The following PTGR2 variants were observed in gnomAD, a reference collection of about 807,000 sequenced individuals.
The protein encoded by PTGR2 is prostaglandin reductase 2.
A neutral mutation model predicts 43.4 loss-of-function variants in PTGR2; 32 were observed. The observed-to-expected ratio is 0.74, with a 90% CI of 0.56 to 0.99. The LOEUF (loss-of-function observed/expected upper bound fraction) is 0.99. Among genes scored for constraint, PTGR2 ranks in the 50% least tolerant of loss-of-function variants. PTGR2 has a pLI of 0.00. For missense variants in PTGR2, 373 were observed against 420.0 expected (o/e 0.89, Z 0.98); for synonymous variants, 106 against 139.2 (o/e 0.76, Z 1.68).
Position 73,885,401 on chromosome 14 carries a change from AGTTT to A in PTGR2, c.*1229_*1232del, listed in dbSNP as rs943192699. 10 of 152,232 alleles carry A rather than the reference AGTTT, an allele frequency of 6.6e-5. No individual in the cohort carries two copies. The highest frequency in any genetic ancestry group is 1.2e-4 in the African/African-American group (5 of 41,456). The allele number at this position is 152,232 out of a possible 1,614,324, so 9.4% of individuals were successfully genotyped here. ...TCAGGAACTACTGATGTACCTCAAA[AGTTT>A]GTTTTATTAATTGTACTCAACCCTC... On this transcript the variant is annotated 3_prime_UTR_variant, in exon 10 of 10. Coordinates refer to ENST00000555661, the MANE Select transcript of PTGR2 (RefSeq NM_001146154.2).
chr14:73,877,187 A>G lies in PTGR2; in HGVS notation c.519+19A>G. On this transcript the variant is annotated intron_variant, in intron 5 of 9. Transcript: ENST00000555661. ...TGGGCAGGTAAACTTTCTGAGAATT[A>G]TTTGATTTTCTGATTATTTGACGAT... is the stretch of plus-strand genomic sequence containing the variant. 1.3e-6 allele frequency: 2 copies of G among 1,592,802 alleles called. No individual in the cohort carries two copies. Among genetic ancestry groups the G allele is most frequent in the South Asian group, 1.1e-5 (1 of 88,982 alleles).
chr14:73,881,194 C>T lies in PTGR2; in HGVS notation c.852-11C>T, dbSNP rs1467631009. On this transcript the variant is annotated splice_polypyrimidine_tract_variant and intron_variant, in intron 7 of 9. Transcript: ENST00000555661. The stretch of plus-strand genomic sequence containing the variant: ...ATTCTCTGATCATTATCCTTTTCTT[C>T]CTCACTGCAGGGAAAGATTTCTGGT... 2.0e-6 allele frequency: 3 copies of T among 1,529,656 alleles called. No homozygotes were observed. The highest frequency in any genetic ancestry group is 3.4e-5 in the Admixed American group (2 of 59,378). 94.8% of individuals were successfully genotyped at this position (1,529,656 alleles called of 1,614,324 possible).
intron 3 of PTGR2, among the ~76,000 whole-genome samples, chr14:73,869,813 G>T (rs1042050537): frequency 1.6e-4 from 24 of 152,044 alleles, no homozygotes; most frequent in African/African-American, 5.8e-4. Flanking sequence ...ATCACTTGAG[G>T]TCAGGAGTTT....
At chr14:73,856,055 CA>C (rs1212245680) in intron 1 of PTGR2, among the ~76,000 whole-genome samples, 22 of 142,570 alleles carry the variant, frequency 1.5e-4, no homozygotes, top group Admixed American at 2.1e-4. Context: ...GACTCTGTTT[CA>C]AAAAAAAAAG....
Position 73,880,097 on chromosome 14 carries a change from C to T in PTGR2, c.772C>T (p.Gln258Ter). 2 of 1,613,786 alleles carry T rather than the reference C, an allele frequency of 1.2e-6. No homozygotes were observed. The highest frequency in any genetic ancestry group is 1.1e-5 in the South Asian group (1 of 91,070). ...CATCATCCTGTGTGGTCAAATTTCT[C>T]AGTACAACAAAGATGTGCCTTATCC... The part of the protein sequence containing the change: ...SHIILCGQIS[Q>*]YNKDVPYPPP... The change falls in exon 7 of 10, where the codon CAG becomes TAG. Residue 258 changes from glutamine to a stop codon, truncating the protein, a stop_gained. Transcript: ENST00000555661. LOFTEE classifies it high-confidence loss of function.
Position 73,885,327 on chromosome 14 carries a change from G to C in PTGR2, c.*1150G>C, listed in dbSNP as rs2055104321. ...CAGATTGACAACAAAGACAGTTTCA[G>C]AAAATGACAGGACTGGGCAAATTAA... On this transcript the variant is annotated 3_prime_UTR_variant, in exon 10 of 10. Coordinates refer to ENST00000555661, the MANE Select transcript of PTGR2 (RefSeq NM_001146154.2). 6.6e-6 allele frequency: 1 copy of C among 152,170 alleles called. No homozygotes were observed. Among genetic ancestry groups the C allele is most frequent in the Non-Finnish European group, 1.5e-5 (1 of 68,046 alleles). The allele number at this position is 152,170 out of a possible 1,614,324, so 9.4% of individuals were successfully genotyped here. A position where few individuals can be genotyped will look rare whatever the true frequency, so the allele number is the denominator to read the frequency against.
chr14:73,882,265 A>G, intron 8 of PTGR2, 134 bp from the exon 9 acceptor site: 2 of 637,198 alleles, frequency 3.1e-6, no homozygotes, highest in South Asian at 4.2e-5. Flanking sequence ...TTTCTGGGCT[A>G]CCTACATGAA....
In PTGR2 at chr14:73,881,215, C is replaced by G. The variant is rs1445871801; in HGVS notation, c.862C>G (p.Leu288Val). Residue 288 changes from leucine (L) to valine (V), a missense_variant, in exon 8 of 10, where the codon CTG (leucine) becomes GTG (valine). By Grantham distance (32) the Leu-to-Val change is conservative. Coordinates refer to ENST00000555661, the MANE Select transcript of PTGR2 (RefSeq NM_001146154.2). ...KERNITRERF[L>V]VLNYKDKFEP... ...TCTTCCTCACTGCAGGGAAAGATTTCTGGTATTAAATTATAAAGACAAATT... is the reference window on the plus strand; with the variant it reads ...TCTTCCTCACTGCAGGGAAAGATTTGTGGTATTAAATTATAAAGACAAATT... The G allele has an allele frequency of 6.2e-7, 1 of 1,600,548 alleles. No homozygotes were observed. The highest frequency in any genetic ancestry group is 1.1e-5 in the South Asian group (1 of 90,758).
intron 5 of PTGR2, 85 bp from the exon 6 acceptor site, chr14:73,878,989 AATTGTAATGAACACTGTCATAT>A: frequency 1.1e-6 from 1 of 876,020 alleles, no homozygotes; most frequent in Non-Finnish European, 1.7e-6. Flanking sequence ...ATCTAACCTT[AATTGTAATGAACACTGTCATAT>A]ACCTGTAATA....
chr14:73,880,730 A>G (rs554876363), intron 7 of PTGR2, among the ~76,000 whole-genome samples: 2 of 152,318 alleles, frequency 1.3e-5, no homozygotes, highest in East Asian at 1.9e-4. Flanking sequence ...GGGTCGAGAA[A>G]GGATGCTACC....
chr14:73,868,256 T>A (rs1239051400), intron 3 of PTGR2, among the ~76,000 whole-genome samples: 1 of 151,718 alleles, frequency 6.6e-6, no homozygotes, highest in East Asian at 1.9e-4. Context: ...GCCACTGCAC[T>A]CCAGCCTGGG....
At chr14:73,859,026 T>C (rs1258835763) in intron 2 of PTGR2, 127 bp downstream of exon 2, 3 of 632,282 alleles carry the variant, frequency 4.7e-6, no homozygotes, top group African/African-American at 3.7e-5. Flanking sequence ...AGTAAAGATA[T>C]TAGAAGAAAC....
At position 73,881,272 on chromosome 14, in the gene PTGR2, T is replaced by C. The variant is rs1240610230; in HGVS notation, c.919T>C (p.Phe307Leu). The change falls in exon 8 of 10, where the codon TTT becomes CTT. Residue 307 changes from phenylalanine to leucine, a missense_variant. Physicochemically the swap from Phe to Leu is conservative, Grantham distance 22. Transcript: ENST00000555661. ...EPGILQLSQW[F>L]KEGKLKIKET... is the part of the protein sequence containing the mutation. Reference sequence around the variant, plus strand: ...TGGCATTCTACAGCTGAGTCAGTGGTTTAAAGAAGGAAAGCTAAAGGTAGA... The same window carrying C: ...TGGCATTCTACAGCTGAGTCAGTGGCTTAAAGAAGGAAAGCTAAAGGTAGA... 6.2e-7 allele frequency: 1 copy of C among 1,603,442 alleles called. No individual in the cohort carries two copies. The highest frequency in any genetic ancestry group is 1.7e-5 in the Admixed American group (1 of 59,958).
In PTGR2 at chr14:73,881,310, T is replaced by C. The variant is rs779249994; in HGVS notation, c.939+18T>C. On this transcript the variant is annotated intron_variant, in intron 8 of 9. Transcript: ENST00000555661. Reference sequence around the variant, plus strand: ...AGCTAAAGGTAGAACTTCTATTCTTTATCAATATAATTCTTCCTGCTACTT... The same window carrying C: ...AGCTAAAGGTAGAACTTCTATTCTTCATCAATATAATTCTTCCTGCTACTT... 1 of 1,425,428 alleles carries C rather than the reference T, an allele frequency of 7.0e-7. No homozygotes were observed. The highest frequency in any genetic ancestry group is 1.7e-5 in the Admixed American group (1 of 58,834). The allele number at this position is 1,425,428 out of a possible 1,614,324, so 88.3% of individuals were successfully genotyped here.
At chr14:73,875,596 G>C (rs2054841067) in intron 4 of PTGR2, among the ~76,000 whole-genome samples, 1 of 150,232 alleles carries the variant, frequency 6.7e-6, no homozygotes, top group Non-Finnish European at 1.5e-5. Flanking sequence ...CACCCGCCTT[G>C]GCCTCCCAAA....
Position 73,874,608 on chromosome 14 carries a change from C to T in PTGR2, c.348+394C>T, listed in dbSNP as rs576118820. Reference sequence around the variant, plus strand: ...GAGATGGGTTGTCACTGTGTTGCCCCGGCTGGTCTCAAACTCCTAGGCTCA... The same window carrying T: ...GAGATGGGTTGTCACTGTGTTGCCCTGGCTGGTCTCAAACTCCTAGGCTCA... On this transcript the variant is annotated intron_variant, in intron 4 of 9. Transcript: ENST00000555661. 5.0e-4 allele frequency: 227 copies of T among 455,976 alleles called. 1 individual carries two copies. The highest frequency in any genetic ancestry group is 4.7e-3 in the East Asian group (68 of 14,386). 28.2% of individuals were successfully genotyped at this position (455,976 alleles called of 1,614,324 possible).
chr14:73,884,266 T>G lies in PTGR2; in HGVS notation c.*89T>G. 2 of 774,552 alleles carry G rather than the reference T, an allele frequency of 2.6e-6. No homozygotes were observed. The highest frequency in any genetic ancestry group is 4.3e-6 in the Non-Finnish European group (2 of 467,214). The allele number at this position is 774,552 out of a possible 1,614,324, so 48.0% of individuals were successfully genotyped here. A position where few individuals can be genotyped will look rare whatever the true frequency, so the allele number is the denominator to read the frequency against. On this transcript the variant is annotated 3_prime_UTR_variant, in exon 10 of 10. Coordinates refer to ENST00000555661, the MANE Select transcript of PTGR2 (RefSeq NM_001146154.2). Reference sequence around the variant, plus strand: ...TGTTAAAAAATCCTTAGACTATACATAGCTCTTGATTTAAATGTGATCATA... The same window carrying G: ...TGTTAAAAAATCCTTAGACTATACAGAGCTCTTGATTTAAATGTGATCATA...
At chr14:73,858,946 A>G in intron 2 of PTGR2, 47 bp downstream of exon 2, 2 of 1,492,492 alleles carry the variant, frequency 1.3e-6, no homozygotes, top group East Asian at 2.3e-5. Context: ...GATAAGTATT[A>G]ATGCAAATGG....
chr14:73,880,519 G>A (rs1186876292), intron 7 of PTGR2, among the ~76,000 whole-genome samples: 1 of 148,686 alleles, frequency 6.7e-6, no homozygotes. Context: ...AGGTTGCAGT[G>A]AGCCAAAATC....
Sources: allele counts gnomAD v4.1 joint callset (sites outside exome capture counted in the v4.1 genomes callset), GRCh38; gene constraint gnomAD v4.1.1; transcripts MANE v1.5; gene names NCBI Gene and HGNC (gene_info 2026-07-23, HGNC 2026-07-21).